PINX1: variants seen among roughly 807,000 people sequenced by gnomAD.
The protein encoded by PINX1 is PIN2/TERF1-interacting telomerase inhibitor 1.
Under a neutral mutation model 25.4 loss-of-function variants are expected in PINX1, and 34 were observed. The ratio of observed to expected loss-of-function variants is 1.34; its 90% confidence interval spans 1.02 to 1.78. The LOEUF (loss-of-function observed/expected upper bound fraction) is 1.78, where lower values mean the gene tolerates loss of function less well. Among genes scored for constraint, PINX1 ranks in the 40% most tolerant of loss-of-function variants. The probability of loss-of-function intolerance (pLI) is 0.00; values close to 1 mark genes in which losing one functional copy is unlikely to be tolerated. For missense variants in PINX1, 592 were observed against 404.9 expected, an observed-to-expected ratio of 1.46 and a Z score of -3.97; for synonymous variants, 197 against 147.7, an observed-to-expected ratio of 1.33 and a Z score of -2.42.
At chr8:10,770,683 T>TG (rs1158260089) in intron 6 of PINX1, among the ~76,000 whole-genome samples, 1 of 152,180 alleles carries the variant, frequency 6.6e-6, no homozygotes, top group African/African-American at 2.4e-5. Flanking sequence ...AAGAATCTTT[T>TG]GGGGCAAGGA....
intron 6 of PINX1, among the ~76,000 whole-genome samples, chr8:10,786,997 G>C (rs536228083): frequency 1.2e-4 from 18 of 152,310 alleles, no homozygotes; most frequent in African/African-American, 4.3e-4. Context: ...CAATTACTGT[G>C]TGTGTGGAGG....
intron 6 of PINX1, among the ~76,000 whole-genome samples, chr8:10,799,143 T>C (rs1295179735): frequency 6.6e-6 from 1 of 151,756 alleles, no homozygotes; most frequent in African/African-American, 2.4e-5. Context: ...GTTTGTCAAT[T>C]TTTTTTTTCA....
chr8:10,830,298 C>T (rs1798188820), intron 4 of PINX1, among the ~76,000 whole-genome samples: 1 of 152,172 alleles, frequency 6.6e-6, no homozygotes, highest in Non-Finnish European at 1.5e-5. Flanking sequence ...ACCAACAAAG[C>T]ACCTTTCCCT....
chr8:10,803,978 A>G (rs1436736533), intron 6 of PINX1, among the ~76,000 whole-genome samples: 1 of 151,728 alleles, frequency 6.6e-6, no homozygotes, highest in East Asian at 1.9e-4. Flanking sequence ...AAGAAGTTCA[A>G]ATTAGCTATC....
intron 6 of PINX1, among the ~76,000 whole-genome samples, chr8:10,795,955 G>A (rs1586162696): frequency 6.6e-6 from 1 of 152,072 alleles, no homozygotes; most frequent in African/African-American, 2.4e-5. Context: ...CAGAGCCATT[G>A]CTTTAGTTGC....
chr8:10,814,798 C>T (rs1347139041), intron 6 of PINX1, among the ~76,000 whole-genome samples: 3 of 152,180 alleles, frequency 2.0e-5, no homozygotes, highest in Non-Finnish European at 4.4e-5. Context: ...CTGACTGAAT[C>T]CCTACCACGT....
intron 6 of PINX1, among the ~76,000 whole-genome samples, chr8:10,778,551 A>G (rs1193919241): frequency 6.6e-6 from 1 of 152,130 alleles, no homozygotes; most frequent in Non-Finnish European, 1.5e-5. Context: ...ATGTTGTTTT[A>G]TGAAAAACTG....
Position 10,834,734 on chromosome 8 carries a change from C to T in PINX1, c.61G>A (p.Ala21Thr). ...QKWAVDPQNTAWSNDDSKFGQ... is the reference protein window; with the variant it reads ...QKWAVDPQNTTWSNDDSKFGQ... ...AACTTGGAATCGTCATTACTCCAGG[C>T]AGTGTTCTGAGGATCCACAGCCCAC... Residue 21 changes from alanine to threonine, a missense_variant, in exon 2 of 7, where the codon GCC becomes ACC. By Grantham distance (58) the Ala-to-Thr change is moderately conservative (BLOSUM62 0). Coordinates refer to ENST00000314787, the MANE Select transcript of PINX1 (RefSeq NM_017884.6). The T allele has an allele frequency of 6.2e-7, 1 of 1,613,890 alleles. No homozygotes were observed. Among genetic ancestry groups the T allele is most frequent in the East Asian group, 2.2e-5 (1 of 44,874 alleles).
At chr8:10,804,894 A>T (rs551472110) in intron 6 of PINX1, among the ~76,000 whole-genome samples, 1 of 152,138 alleles carries the variant, frequency 6.6e-6, no homozygotes, top group Admixed American at 6.5e-5. Flanking sequence ...CATCATTCTC[A>T]TATGAAGTGA....
intron 6 of PINX1, among the ~76,000 whole-genome samples, chr8:10,766,563 C>T (rs1046408974): frequency 6.6e-6 from 1 of 152,220 alleles, no homozygotes; most frequent in East Asian, 1.9e-4. Context: ...CCTCCCTGAA[C>T]CAACAGGCCA....
At chr8:10,821,448 T>A (rs1797864032) in intron 5 of PINX1, among the ~76,000 whole-genome samples, 1 of 152,230 alleles carries the variant, frequency 6.6e-6, no homozygotes, top group African/African-American at 2.4e-5. Context: ...CAGGCTCCTC[T>A]GGGCTCTGGC....
intron 4 of PINX1, among the ~76,000 whole-genome samples, chr8:10,830,963 G>C (rs1396196389): frequency 6.6e-6 from 1 of 152,178 alleles, no homozygotes; most frequent in Non-Finnish European, 1.5e-5. Context: ...CCAAAGGAAA[G>C]GAAATCAGCA....
At chr8:10,812,598 A>G (rs6989930) in intron 6 of PINX1, among the ~76,000 whole-genome samples, 12,650 of 152,168 alleles carry the variant, frequency 0.083, 761 homozygotes, top group African/African-American at 0.16. Flanking sequence ...CCAAACTGTC[A>G]CCCTGATAAC....
At chr8:10,821,901 C>T (rs948940124) in intron 5 of PINX1, 1 of 152,156 alleles carries the variant, frequency 6.6e-6, no homozygotes, top group Non-Finnish European at 1.5e-5. Context: ...GATCACAGTT[C>T]TAAAACATGA....
At chr8:10,817,298 A>C (rs926127703) in intron 6 of PINX1, among the ~76,000 whole-genome samples, 1 of 152,206 alleles carries the variant, frequency 6.6e-6, no homozygotes, top group African/African-American at 2.4e-5. Flanking sequence ...TATGAGAGTC[A>C]AGCGAAGCAA....
intron 6 of PINX1, among the ~76,000 whole-genome samples, chr8:10,804,828 G>A (rs1242110593): frequency 2.0e-5 from 3 of 151,614 alleles, no homozygotes; most frequent in African/African-American, 7.3e-5. Flanking sequence ...TTAAAAATGT[G>A]CTTAGTGCTT....
chr8:10,829,242 T>C (rs1355518921), intron 4 of PINX1, among the ~76,000 whole-genome samples: 1 of 136,560 alleles, frequency 7.3e-6, no homozygotes, highest in African/African-American at 2.9e-5. Flanking sequence ...GCCAAGATTG[T>C]GCCACTGCAC....
chr8:10,820,093 T>C, intron 6 of PINX1, 100 bp downstream of exon 6: 2 of 783,518 alleles, frequency 2.6e-6, no homozygotes, highest in South Asian at 1.5e-5. Flanking sequence ...TTTGGAAAGT[T>C]TGTCAGAAAA....
Position 10,765,438 on chromosome 8 carries a change from G to T in PINX1, c.950C>A (p.Thr317Lys). 1 of 1,606,982 alleles carries T rather than the reference G, an allele frequency of 6.2e-7. No individual in the cohort carries two copies. The change falls in exon 7 of 7, where the codon ACG (threonine) becomes AAG (lysine). Residue 317 changes from threonine (T) to lysine (K), a missense_variant. By Grantham distance (78) the Thr-to-Lys change is moderately conservative. Transcript: ENST00000314787. ...EIAEDATLEE[T>K]LVKKKKKKDS... ...TTTCTTCTTCTTCTTTTTCACTAGC[G>T]TTTCTTCTAGTGTAGCGTCCTCTGC...
Sources: gnomAD v4.1 joint callset for allele counts (sites outside exome capture counted in the v4.1 genomes callset) on GRCh38, gnomAD v4.1.1 for gene constraint, MANE v1.5 for transcripts, NCBI Gene and HGNC (gene_info 2026-07-23, HGNC 2026-07-21) for gene names.